Variants in TTC29 observed in about 807,000 individuals in gnomAD.
TTC29 encodes tetratricopeptide repeat protein 29.
Under a neutral mutation model 58.1 loss-of-function variants are expected in TTC29, and 49 were observed. That is an observed-to-expected ratio of 0.84 (90% CI 0.67 to 1.07). TTC29 has a LOEUF of 1.07. Ranked by LOEUF, TTC29 falls within the 50% of genes least tolerant of loss-of-function variation. TTC29 has a pLI of 0.00. For synonymous variants in TTC29, 209 were observed against 196.8 expected (o/e 1.06, Z -0.52); for missense variants, 582 against 555.6 (o/e 1.05, Z -0.48).
intron 8 of TTC29, among the ~76,000 whole-genome samples, chr4:146,851,093 A>T (rs753622699): frequency 2.6e-5 from 4 of 152,226 alleles, no homozygotes; most frequent in Admixed American, 6.5e-5. Context: ...CAGCATGAAT[A>T]GCATAATCCT....
chr4:146,813,356 G>A (rs12504096), intron 10 of TTC29, among the ~76,000 whole-genome samples: 56,823 of 151,998 alleles, frequency 0.37, 11,550 homozygotes, highest in African/African-American at 0.51. Flanking sequence ...CTTTACACTA[G>A]TTATATATTT....
At chr4:146,786,060 A>G (rs931143361) in intron 11 of TTC29, among the ~76,000 whole-genome samples, 1 of 152,076 alleles carries the variant, frequency 6.6e-6, no homozygotes, top group African/African-American at 2.4e-5. Context: ...GGGATACCAG[A>G]AGAATATTCC....
intron 8 of TTC29, among the ~76,000 whole-genome samples, chr4:146,849,940 A>T (rs1057431848): frequency 6.6e-6 from 1 of 152,056 alleles, no homozygotes; most frequent in Non-Finnish European, 1.5e-5. Flanking sequence ...CCCATTTATA[A>T]TTCCCTCCAC....
intron 6 of TTC29, among the ~76,000 whole-genome samples, chr4:146,899,876 A>G (rs1733023946): frequency 6.6e-6 from 1 of 152,132 alleles, no homozygotes; most frequent in Admixed American, 6.6e-5. Flanking sequence ...CCACTTTAGC[A>G]TGAATGAGGG....
At chr4:146,892,423 C>T (rs575845721) in intron 6 of TTC29, among the ~76,000 whole-genome samples, 8 of 152,128 alleles carry the variant, frequency 5.3e-5, no homozygotes, top group South Asian at 2.1e-4. Flanking sequence ...ACAGAACCAA[C>T]GACAAAAACC....
intron 7 of TTC29, among the ~76,000 whole-genome samples, chr4:146,868,639 T>C (rs1348398659): frequency 6.6e-6 from 1 of 152,132 alleles, no homozygotes; most frequent in African/African-American, 2.4e-5. Context: ...CCTCATACCA[T>C]TTGGCAAATA....
Position 146,820,197 on chromosome 4 carries a change from A to G in TTC29, c.1029T>C (p.Ile343=), listed in dbSNP as rs749387230. The G allele has an allele frequency of 1.1e-5, 18 of 1,612,964 alleles. No individual in the cohort carries two copies. Among genetic ancestry groups the G allele is most frequent in the East Asian group, 2.2e-5 (1 of 44,836 alleles). ...AIKYLKKFVK[I]ARNNFQSLDL... The stretch of plus-strand genomic sequence containing the variant: ...CTAGGCTTTGAAAATTGTTTCTTGC[A>G]ATTTTCACAAATTTTTTCAAGTATT... The change falls in exon 10 of 13, where the codon ATT becomes ATC. Residue 343 remains isoleucine (I), a synonymous_variant. Transcript: ENST00000325106.
At chr4:146,760,823 A>C (rs1746836631) in intron 11 of TTC29, among the ~76,000 whole-genome samples, 1 of 145,598 alleles carries the variant, frequency 6.9e-6, no homozygotes, top group Non-Finnish European at 1.5e-5. Context: ...ATGGAATACT[A>C]TATATATATA....
At chr4:146,789,007 G>A (rs986391997) in intron 11 of TTC29, among the ~76,000 whole-genome samples, 3 of 152,144 alleles carry the variant, frequency 2.0e-5, no homozygotes, top group African/African-American at 7.2e-5. Context: ...CTGAATAAAA[G>A]CACTGATTTG....
intron 8 of TTC29, among the ~76,000 whole-genome samples, chr4:146,852,944 C>A (rs1440522260): frequency 4.6e-5 from 7 of 151,838 alleles, no homozygotes; most frequent in Middle Eastern, 3.4e-3. Flanking sequence ...TTTTTAAATT[C>A]TTTTATTACT....
intron 6 of TTC29, among the ~76,000 whole-genome samples, chr4:146,888,307 G>T (rs997249698): frequency 1.3e-5 from 2 of 152,132 alleles, no homozygotes; most frequent in Non-Finnish European, 2.9e-5. Flanking sequence ...GGAGTTAAAG[G>T]GAAGAATGAG....
At chr4:146,849,508 C>G (rs1729380242) in intron 8 of TTC29, among the ~76,000 whole-genome samples, 1 of 152,156 alleles carries the variant, frequency 6.6e-6, no homozygotes, top group Non-Finnish European at 1.5e-5. Flanking sequence ...AGCCCAGTGT[C>G]TGATGTTTTA....
chr4:146,911,117 G>A (rs1203734277), intron 4 of TTC29, among the ~76,000 whole-genome samples: 3 of 152,118 alleles, frequency 2.0e-5, no homozygotes, highest in African/African-American at 2.4e-5. Flanking sequence ...CTCCCTATAC[G>A]CAAGGGCATG....
At chr4:146,745,451 T>C (rs1745472482) in intron 11 of TTC29, among the ~76,000 whole-genome samples, 1 of 152,198 alleles carries the variant, frequency 6.6e-6, no homozygotes, top group African/African-American at 2.4e-5. Context: ...CTCTGTTGGT[T>C]CTCTGCAGGG....
chr4:146,919,313 A>G (rs566998914), intron 4 of TTC29, among the ~76,000 whole-genome samples: 1 of 151,238 alleles, frequency 6.6e-6, no homozygotes, highest in African/African-American at 2.4e-5. Flanking sequence ...GTTAAACCTA[A>G]GCTGAAAAAT....
intron 11 of TTC29, among the ~76,000 whole-genome samples, chr4:146,748,272 G>A (rs570583656): frequency 3.3e-5 from 5 of 152,292 alleles, no homozygotes; most frequent in African/African-American, 7.2e-5. Context: ...CAGGGCCTGA[G>A]CTTCTAGGGT....
At chr4:146,925,182 G>A (rs1342334917) in intron 4 of TTC29, among the ~76,000 whole-genome samples, 3 of 152,016 alleles carry the variant, frequency 2.0e-5, no homozygotes, top group East Asian at 1.9e-4. Context: ...GTATTCTACT[G>A]TTGTTTGGTG....
chr4:146,863,464 T>C (rs1472248863), intron 8 of TTC29, among the ~76,000 whole-genome samples: 3 of 152,176 alleles, frequency 2.0e-5, no homozygotes, highest in East Asian at 3.8e-4. Flanking sequence ...ATTTATAGAA[T>C]GTATTATGTT....
intron 11 of TTC29, among the ~76,000 whole-genome samples, chr4:146,773,813 G>T (rs1325076443): frequency 6.6e-6 from 1 of 151,704 alleles, no homozygotes; most frequent in African/African-American, 2.4e-5. Context: ...CTTTCAGTAG[G>T]AATGGCACCA....
Sources: allele counts gnomAD v4.1 joint callset (sites outside exome capture counted in the v4.1 genomes callset), GRCh38; gene constraint gnomAD v4.1.1; transcripts MANE v1.5; gene names NCBI Gene and HGNC (gene_info 2026-07-23, HGNC 2026-07-21).